The following ABCC4 variants were observed in gnomAD, a reference collection of about 807,000 sequenced individuals.
ABCC4 encodes ATP binding cassette subfamily C member 4 (PEL blood group).
In ABCC4, 102 loss-of-function variants were observed where a neutral mutation model predicts 168.5. The observed-to-expected ratio is 0.61, with a 90% CI of 0.52 to 0.71. ABCC4 has a LOEUF of 0.71. ABCC4 is among the 30% of genes least tolerant of loss of function. ABCC4 has a pLI of 0.00. For missense variants in ABCC4, 1,402 were observed against 1,605.8 expected (o/e 0.87, Z 2.17); for synonymous variants, 617 against 590.7 (o/e 1.04, Z -0.65).
At chr13:95,301,133 C>G in intron 1 of ABCC4, 108 bp downstream of exon 1, 4 of 1,097,416 alleles carry the variant, frequency 3.6e-6, no homozygotes, top group Non-Finnish European at 5.1e-6. Context: ...AAGCGCTCCC[C>G]TCGCCCCCAG....
At chr13:95,044,994 T>A (rs1393306307) in intron 27 of ABCC4, among the ~76,000 whole-genome samples, 1 of 152,196 alleles carries the variant, frequency 6.6e-6, no homozygotes, top group East Asian at 1.9e-4. Context: ...GAATCACTTC[T>A]AAGGGGAGCA....
At chr13:95,203,367 C>T (rs1334940501) in intron 8 of ABCC4, among the ~76,000 whole-genome samples, 6 of 142,990 alleles carry the variant, frequency 4.2e-5, no homozygotes, top group African/African-American at 7.8e-5. Flanking sequence ...GACAGAGCCT[C>T]ACTCTGTCAC....
At chr13:95,246,893 A>G (rs1201646613) in intron 3 of ABCC4, 82 bp downstream of exon 3, 1 of 1,486,674 alleles carries the variant, frequency 6.7e-7, no homozygotes, top group East Asian at 2.3e-5. Context: ...CTGTTCCCCC[A>G]TCCATTACAG....
chr13:95,246,952 T>A (rs762057471), intron 3 of ABCC4, 23 bp downstream of exon 3: 2 of 1,608,206 alleles, frequency 1.2e-6, no homozygotes, highest in South Asian at 2.2e-5. Context: ...GAAAAACAAT[T>A]CATGGTATGT....
intron 19 of ABCC4, among the ~76,000 whole-genome samples, chr13:95,154,709 C>T (rs758565768): frequency 1.3e-5 from 2 of 152,206 alleles, no homozygotes; most frequent in Non-Finnish European, 2.9e-5. Context: ...ATGCTACCTG[C>T]TCAGCAGAAT....
chr13:95,108,641 C>CTTTTT (rs11396828), intron 20 of ABCC4, among the ~76,000 whole-genome samples: 2 of 145,260 alleles, frequency 1.4e-5, no homozygotes, highest in Non-Finnish European at 1.5e-5. Context: ...AATCTATTTT[C>CTTTTT]TTTTTTTTTT....
At chr13:95,215,455 C>A (rs1166489203) in intron 4 of ABCC4, among the ~76,000 whole-genome samples, 1 of 152,120 alleles carries the variant, frequency 6.6e-6, no homozygotes, top group East Asian at 1.9e-4. Context: ...AAACAACTAG[C>A]TGCTTAGAGC....
chr13:95,239,328 G>C (rs2039866201), intron 3 of ABCC4, among the ~76,000 whole-genome samples: 1 of 152,140 alleles, frequency 6.6e-6, no homozygotes. Flanking sequence ...AGATGTAAGA[G>C]TAAAGAGATT....
At chr13:95,213,308 T>C (rs1280399003) in intron 4 of ABCC4, among the ~76,000 whole-genome samples, 4 of 152,118 alleles carry the variant, frequency 2.6e-5, no homozygotes, top group African/African-American at 9.7e-5. Flanking sequence ...ACGGGAAATG[T>C]AGGTGGTGGC....
chr13:95,062,858 A>G lies in ABCC4; in HGVS notation c.3212T>C (p.Val1071Ala), dbSNP rs1364794726. The change falls in exon 26 of 31, where the codon GTT becomes GCT. Residue 1071 changes from valine to alanine, a missense_variant and splice_region_variant. Physicochemically the swap from Val to Ala is moderately conservative, Grantham distance 64 (BLOSUM62 0). Around this residue, in one of 3 missense-constraint regions of ABCC4, gnomAD observed 1,007 missense variants for 1,127.3 expected, o/e 0.89. Transcript: ENST00000645237. ...AGCTCCGGTTCTTCCCACAATGCCA[A>G]CCTACAGAGAGATCCAGGCGGCAGG... is the stretch of plus-strand genomic sequence containing the variant. ...LTALIKSQEK[V>A]GIVGRTGAGK... 1 of 1,602,704 alleles carries G rather than the reference A, an allele frequency of 6.2e-7. No homozygotes were observed. Among genetic ancestry groups the G allele is most frequent in the Non-Finnish European group, 8.5e-7 (1 of 1,177,218 alleles).
At chr13:95,290,205 T>A (rs1036916630) in intron 1 of ABCC4, among the ~76,000 whole-genome samples, 1 of 152,120 alleles carries the variant, frequency 6.6e-6, no homozygotes, top group Admixed American at 6.6e-5. Flanking sequence ...CCAATTGGCC[T>A]ATAAGGGGAA....
chr13:95,234,110 C>A (rs749066585), intron 4 of ABCC4, among the ~76,000 whole-genome samples: 38 of 152,140 alleles, frequency 2.5e-4, no homozygotes, highest in Non-Finnish European at 4.7e-4. Flanking sequence ...CAAATATATT[C>A]TTTTCTCCTA....
intron 19 of ABCC4, among the ~76,000 whole-genome samples, chr13:95,157,461 C>A (rs1216205209): frequency 2.0e-5 from 3 of 151,638 alleles, no homozygotes; most frequent in East Asian, 1.9e-4. Context: ...CATGCCACTG[C>A]ACTCGACTGG....
At chr13:95,226,161 CTTCATCT>C (rs373855201) in intron 4 of ABCC4, among the ~76,000 whole-genome samples, 115,073 of 150,548 alleles carry the variant, frequency 0.76, 44,523 homozygotes, top group Non-Finnish European at 0.84. Context: ...TCTGGAATTA[CTTCATCT>C]GGAATTCTAA....
intron 22 of ABCC4, 54 bp downstream of exon 22, chr13:95,075,378 C>T (rs1365462461): frequency 6.2e-7 from 1 of 1,609,770 alleles, no homozygotes; most frequent in Non-Finnish European, 8.5e-7. Flanking sequence ...GGAGGTTAAG[C>T]CAGAAAAAGC....
chr13:95,044,356 C>T lies in ABCC4; in HGVS notation c.3539G>A (p.Gly1180Glu). The stretch of plus-strand genomic sequence containing the variant: ...GGCAAGGCACACCAGTTGTCTTTGT[C>T]CAACACTAAAATTGGATCCTGATTC... ...LAESGSNFSV[G>E]QRQLVCLARA... The change falls in exon 28 of 31, where the codon GGA (glycine) becomes GAA (glutamate). Residue 1180 changes from glycine (G) to glutamate (E), a missense_variant. By Grantham distance (98) the Gly-to-Glu change is moderately conservative. This residue lies in a region of ABCC4 where 1,007 missense variants were observed against 1,127.3 expected (regional missense o/e 0.89). Coordinates refer to ENST00000645237, the MANE Select transcript of ABCC4 (RefSeq NM_005845.5). 1 of 1,613,754 alleles carries T rather than the reference C, an allele frequency of 6.2e-7. No individual in the cohort carries two copies. Among genetic ancestry groups the T allele is most frequent in the Non-Finnish European group, 8.5e-7 (1 of 1,179,862 alleles).
intron 1 of ABCC4, among the ~76,000 whole-genome samples, chr13:95,271,734 G>T (rs1475901122): frequency 6.6e-6 from 1 of 152,104 alleles, no homozygotes; most frequent in Non-Finnish European, 1.5e-5. Context: ...AACAGACATT[G>T]GTCCTAACAG....
chr13:95,127,933 A>G lies in ABCC4; in HGVS notation c.2456-11932T>C, dbSNP rs148223497. 5.7e-3 allele frequency among the ~76,000 whole-genome samples: 864 copies of G among 152,332 alleles called. 6 individuals carry two copies. The highest frequency in any genetic ancestry group is 9.7e-3 in the Non-Finnish European group (661 of 68,044). ...ATAAATAACTTCAAAGGATTTCAAC[A>G]TGCAAAAAAAAAGCTTTACAAATTT... On this transcript the variant is annotated intron_variant, in intron 19 of 30. Coordinates refer to ENST00000645237, the MANE Select transcript of ABCC4 (RefSeq NM_005845.5).
chr13:95,212,998 G>A (rs914753433), intron 4 of ABCC4, among the ~76,000 whole-genome samples: 4 of 151,960 alleles, frequency 2.6e-5, no homozygotes, highest in African/African-American at 9.7e-5. Context: ...ATGATGGCAG[G>A]TGCCTGTAAT....
Sources: allele counts gnomAD v4.1 joint callset (sites outside exome capture counted in the v4.1 genomes callset), GRCh38; gene constraint gnomAD v4.1.1; regional missense constraint gnomAD v4.1.1; transcripts MANE v1.5; gene names NCBI Gene and HGNC (gene_info 2026-07-23, HGNC 2026-07-21).